SLC13A1: variants seen among roughly 807,000 people sequenced by gnomAD.
The protein encoded by SLC13A1 is Na(+)/sulfate cotransporter.
A neutral mutation model predicts 70.0 loss-of-function variants in SLC13A1; 65 were observed. That is an observed-to-expected ratio of 0.93 (90% CI 0.76 to 1.14). The LOEUF is 1.14. SLC13A1 is among the 50% of genes most tolerant of loss of function. The pLI, the probability that SLC13A1 is intolerant of heterozygous loss-of-function variation, is 0.00. For missense variants in SLC13A1, 726 were observed against 717.8 expected (o/e 1.01, Z -0.13); for synonymous variants, 275 against 250.5 (o/e 1.10, Z -0.92).
At chr7:123,138,051 AC>A (rs1794009944) in intron 7 of SLC13A1, among the ~76,000 whole-genome samples, 1 of 151,880 alleles carries the variant, frequency 6.6e-6, no homozygotes, top group Non-Finnish European at 1.5e-5. Flanking sequence ...AACCATCCCC[AC>A]CTTTCAGCCC....
At chr7:123,162,423 G>T (rs1449798958) in intron 6 of SLC13A1, among the ~76,000 whole-genome samples, 1 of 151,928 alleles carries the variant, frequency 6.6e-6, no homozygotes, top group Non-Finnish European at 1.5e-5. Flanking sequence ...ATTCCTAAAG[G>T]GTGTATGGTA....
Position 123,115,658 on chromosome 7 carries a change from T to C in SLC13A1, c.1651-3A>G. 1.2e-6 allele frequency: 2 copies of C among 1,613,440 alleles called. No individual in the cohort carries two copies. Among genetic ancestry groups the C allele is most frequent in the South Asian group, 2.2e-5 (2 of 91,056 alleles). ...TTGACACCAAGTCCAGCTTTAACCT[T>C]GAACAGGAAAGAGCATAAATGTCAG... is the stretch of plus-strand genomic sequence containing the variant. On this transcript the variant is annotated splice_polypyrimidine_tract_variant and splice_region_variant and intron_variant, in intron 14 of 14. Coordinates refer to ENST00000194130, the MANE Select transcript of SLC13A1 (RefSeq NM_022444.4).
At chr7:123,176,251 A>G (rs1279648142) in intron 2 of SLC13A1, among the ~76,000 whole-genome samples, 5 of 152,198 alleles carry the variant, frequency 3.3e-5, no homozygotes, top group African/African-American at 4.8e-5. Context: ...TTCATCAGTC[A>G]GAATATTTGA....
At position 123,119,113 on chromosome 7, in the gene SLC13A1, T is replaced by C. The variant is rs370503664; in HGVS notation, c.1480A>G (p.Ile494Val). The change falls in exon 13 of 15, where the codon ATT becomes GTT. Residue 494 changes from isoleucine (I) to valine (V), a missense_variant. By Grantham distance (29) the Ile-to-Val change is conservative. Coordinates refer to ENST00000194130, the MANE Select transcript of SLC13A1 (RefSeq NM_022444.4). ...LTEVASNPAT[I>V]TLFLPILSPL... is the part of the protein sequence containing the mutation. ...GATAATATTGGGAGAAAGAGTGTAA[T>C]GGTAGCTGGATTGCTGGCTACCTCA... 6.2e-7 allele frequency: 1 copy of C among 1,612,628 alleles called. No individual in the cohort carries two copies. The highest frequency in any genetic ancestry group is 8.5e-7 in the Non-Finnish European group (1 of 1,179,160).
In SLC13A1 at chr7:123,158,967, G is replaced by A. The variant is rs560176218; in HGVS notation, c.660+9407C>T. The stretch of plus-strand genomic sequence containing the variant: ...GAAGGACCATGACCCCAGATAGGGG[G>A]TCTGAGAAGCAAAATACAATGGTGA... On this transcript the variant is annotated intron_variant, in intron 6 of 14. Coordinates refer to ENST00000194130, the MANE Select transcript of SLC13A1 (RefSeq NM_022444.4). Among the ~76,000 whole-genome samples the A allele has an allele frequency of 2.0e-5, 3 of 152,136 alleles. No homozygotes were observed. The South Asian group carries it at 6.2e-4, about 32-fold the overall frequency.
At chr7:123,179,969 G>T (rs528878066) in intron 2 of SLC13A1, among the ~76,000 whole-genome samples, 2 of 152,206 alleles carry the variant, frequency 1.3e-5, no homozygotes, top group Non-Finnish European at 1.5e-5. Flanking sequence ...AAGCTTAATA[G>T]ATTATAGCTC....
intron 1 of SLC13A1, among the ~76,000 whole-genome samples, chr7:123,196,233 A>G (rs1796175266): frequency 6.6e-6 from 1 of 152,130 alleles, no homozygotes; most frequent in Non-Finnish European, 1.5e-5. Context: ...TACACTCCAG[A>G]CTTGTTTACT....
At chr7:123,152,666 T>C (rs989454609) in intron 6 of SLC13A1, among the ~76,000 whole-genome samples, 2 of 152,132 alleles carry the variant, frequency 1.3e-5, no homozygotes, top group African/African-American at 4.8e-5. Context: ...CATTGGACTG[T>C]AATTTACCTT....
intron 11 of SLC13A1, among the ~76,000 whole-genome samples, chr7:123,124,815 T>C (rs1027726838): frequency 6.6e-6 from 1 of 152,158 alleles, no homozygotes; most frequent in African/African-American, 2.4e-5. Context: ...ATTACTATCA[T>C]TATTTTTAGA....
intron 2 of SLC13A1, among the ~76,000 whole-genome samples, chr7:123,179,903 C>T (rs1419260974): frequency 6.6e-6 from 1 of 152,086 alleles, no homozygotes; most frequent in African/African-American, 2.4e-5. Flanking sequence ...ACTGATCAAC[C>T]CCTTCTTTTT....
chr7:123,129,185 A>C (rs1563320840), intron 9 of SLC13A1, among the ~76,000 whole-genome samples, 198 bp downstream of exon 9: 1 of 152,086 alleles, frequency 6.6e-6, no homozygotes, highest in East Asian at 1.9e-4. Flanking sequence ...GTGTTTTATC[A>C]TGTTGAGTTA....
intron 2 of SLC13A1, among the ~76,000 whole-genome samples, chr7:123,176,263 A>G (rs1372253733): frequency 6.6e-6 from 1 of 152,202 alleles, no homozygotes; most frequent in Non-Finnish European, 1.5e-5. Context: ...AATATTTGAG[A>G]AGAAACATTA....
At chr7:123,181,151 G>A (rs781315909) in intron 1 of SLC13A1, 50 bp from the exon 2 acceptor site, 2 of 1,581,552 alleles carry the variant, frequency 1.3e-6, no homozygotes, top group African/African-American at 2.7e-5. Flanking sequence ...GGCTGGAGAA[G>A]TCAACATTCA....
Position 123,123,183 on chromosome 7 carries a change from C to A in SLC13A1, c.1293G>T (p.Met431Ile). 6.2e-7 allele frequency: 1 copy of A among 1,613,552 alleles called. No individual in the cohort carries two copies. Among genetic ancestry groups the A allele is most frequent in the Non-Finnish European group, 8.5e-7 (1 of 1,179,658 alleles). The change falls in exon 12 of 15, where the codon ATG (methionine) becomes ATT (isoleucine). Residue 431 changes from methionine (M) to isoleucine (I), a missense_variant. Met to Ile is a conservative substitution (Grantham distance 10, BLOSUM62 1). Coordinates refer to ENST00000194130, the MANE Select transcript of SLC13A1 (RefSeq NM_022444.4). The stretch of plus-strand genomic sequence containing the variant: ...CAACAAGAATGGCTATATCCCAGGG[C>A]ATGAATGACTGGAATTCTTTCCAAG... ...LITWKEFQSFMPWDIAILVGG... is the reference protein window; with the variant it reads ...LITWKEFQSFIPWDIAILVGG...
At chr7:123,183,049 C>T (rs934960850) in intron 1 of SLC13A1, among the ~76,000 whole-genome samples, 1 of 152,056 alleles carries the variant, frequency 6.6e-6, no homozygotes, top group African/African-American at 2.4e-5. Context: ...TAATGCATCC[C>T]TTTCTCTGAA....
chr7:123,155,978 G>C (rs1794698733), intron 6 of SLC13A1, among the ~76,000 whole-genome samples: 1 of 152,112 alleles, frequency 6.6e-6, no homozygotes, highest in Non-Finnish European at 1.5e-5. Context: ...TCATATTTCT[G>C]TTTGGTGGAT....
rs144813534 is a variant in SLC13A1 at position 123,187,065 on chromosome 7, A to T, written c.100-5964T>A. 2.1e-3 allele frequency among the ~76,000 whole-genome samples: 316 copies of T among 152,292 alleles called. 3 individuals carry two copies. The highest frequency in any genetic ancestry group is 7.2e-3 in the African/African-American group (298 of 41,560). On this transcript the variant is annotated intron_variant, in intron 1 of 14. Transcript: ENST00000194130. The stretch of plus-strand genomic sequence containing the variant: ...ACGTGTTACGACTCCCAAAAGTTAC[A>T]TCAAGAAGTTCAGCAAACAAGTCAC...
chr7:123,198,196 G>C (rs1796242999), intron 1 of SLC13A1, among the ~76,000 whole-genome samples: 2 of 151,906 alleles, frequency 1.3e-5, no homozygotes, highest in South Asian at 4.1e-4. Flanking sequence ...TCTTGGCAAG[G>C]AGATGGGGTG....
intron 1 of SLC13A1, chr7:123,186,622 T>C: frequency 4.7e-6 from 2 of 422,634 alleles, no homozygotes; most frequent in South Asian, 3.4e-5. Context: ...AAGAGAACGA[T>C]GGTAAAACAG....
Sources: allele counts gnomAD v4.1 joint callset (sites outside exome capture counted in the v4.1 genomes callset), GRCh38; gene constraint gnomAD v4.1.1; transcripts MANE v1.5; gene names NCBI Gene and HGNC (gene_info 2026-07-23, HGNC 2026-07-21).